The following LMX1A variants were observed in gnomAD, a reference collection of about 807,000 sequenced individuals.
LMX1A encodes LIM homeobox transcription factor 1 alpha, also known as LIM homeobox transcription factor 1-alpha.
LMX1A carries 15 observed loss-of-function variants against 49.1 expected under a neutral mutation model. The observed-to-expected ratio is 0.31, with a 90% CI of 0.20 to 0.47. LMX1A has a LOEUF of 0.47. Ranked by LOEUF, LMX1A falls within the 20% of genes least tolerant of loss-of-function variation. The probability of loss-of-function intolerance (pLI) is 1.00; values close to 1 mark genes in which losing one functional copy is unlikely to be tolerated. For synonymous variants in LMX1A, 167 were observed against 185.7 expected, an observed-to-expected ratio of 0.90 and a Z score of 0.82; for missense variants, 372 against 475.8, an observed-to-expected ratio of 0.78 and a Z score of 2.03.
intron 3 of LMX1A, among the ~76,000 whole-genome samples, chr1:165,287,432 A>T (rs919477473): frequency 5.9e-5 from 9 of 152,228 alleles, no homozygotes; most frequent in African/African-American, 2.2e-4. Flanking sequence ...TAATTTGCCA[A>T]AAGGGAGGCG....
At chr1:165,278,308 T>TA (rs1654031146) in intron 3 of LMX1A, among the ~76,000 whole-genome samples, 2 of 152,254 alleles carry the variant, frequency 1.3e-5, no homozygotes, top group South Asian at 4.1e-4. Flanking sequence ...GGCTATGACT[T>TA]ACTCATCTTT....
At chr1:165,326,174 T>C (rs562075801) in intron 3 of LMX1A, among the ~76,000 whole-genome samples, 47 of 152,028 alleles carry the variant, frequency 3.1e-4, no homozygotes, top group South Asian at 6.2e-4. Flanking sequence ...AAATGATGAT[T>C]AAAGGAGCTA....
chr1:165,265,215 A>G (rs1223563429), intron 3 of LMX1A, among the ~76,000 whole-genome samples: 2 of 151,778 alleles, frequency 1.3e-5, no homozygotes, highest in African/African-American at 2.4e-5. Context: ...AAAAAAAAAA[A>G]AAAGAAAAAA....
intron 3 of LMX1A, among the ~76,000 whole-genome samples, chr1:165,291,415 A>G (rs547687663): frequency 6.6e-6 from 1 of 152,218 alleles, no homozygotes; most frequent in East Asian, 1.9e-4. Context: ...TCCATCTGTT[A>G]TGTTCCAGCT....
chr1:165,312,148 T>C (rs528383041), intron 3 of LMX1A, among the ~76,000 whole-genome samples: 1 of 152,342 alleles, frequency 6.6e-6, no homozygotes, highest in South Asian at 2.1e-4. Context: ...AGTACTGGAA[T>C]TTCTCCCTTA....
At chr1:165,229,833 T>C (rs1179983342) in intron 4 of LMX1A, among the ~76,000 whole-genome samples, 2 of 152,202 alleles carry the variant, frequency 1.3e-5, no homozygotes, top group Admixed American at 6.5e-5. Flanking sequence ...AGATGCAATA[T>C]AGCAACTTGC....
Position 165,353,037 on chromosome 1 carries a change from C to T in LMX1A, c.263+39G>A, listed in dbSNP as rs766032038. 17 of 1,593,328 alleles carry T rather than the reference C, an allele frequency of 1.1e-5. No individual in the cohort carries two copies. The Admixed American group carries it at 2.7e-4, about 25-fold the overall frequency. On this transcript the variant is annotated intron_variant, in intron 3 of 8. Coordinates refer to ENST00000342310, the MANE Select transcript of LMX1A (RefSeq NM_177398.4). ...ACAAAGTCCTCGACGCACACTGATGCCAGTGCGCGGGGAGCGCTGCGGGGG... is the reference window on the plus strand; with the variant it reads ...ACAAAGTCCTCGACGCACACTGATGTCAGTGCGCGGGGAGCGCTGCGGGGG...
intron 4 of LMX1A, among the ~76,000 whole-genome samples, chr1:165,238,927 C>G (rs1453241205): frequency 6.6e-6 from 1 of 152,146 alleles, no homozygotes; most frequent in Non-Finnish European, 1.5e-5. Context: ...CATCTTCTTC[C>G]TCTGTAGAAC....
chr1:165,314,228 C>T (rs1443100327), intron 3 of LMX1A, among the ~76,000 whole-genome samples: 3 of 152,180 alleles, frequency 2.0e-5, no homozygotes, highest in Non-Finnish European at 4.4e-5. Flanking sequence ...GCCACATGTG[C>T]AATAGCTGAG....
chr1:165,356,534 C>T lies in LMX1A; in HGVS notation c.-202G>A, dbSNP rs567641448. 6.6e-6 allele frequency: 1 copy of T among 152,292 alleles called. No homozygotes were observed. The highest frequency in any genetic ancestry group is 1.5e-5 in the Non-Finnish European group (1 of 68,010). The allele number at this position is 152,292 out of a possible 1,614,324, so 9.4% of individuals were successfully genotyped here. On this transcript the variant is annotated 5_prime_UTR_variant, in exon 1 of 9. Transcript: ENST00000342310. ...GCCGCTGGCTCTGCTCCTCGGCGCGCCCAGGCTGGGCCGGGACGTGGTCGC... is the reference window on the plus strand; with the variant it reads ...GCCGCTGGCTCTGCTCCTCGGCGCGTCCAGGCTGGGCCGGGACGTGGTCGC...
intron 3 of LMX1A, among the ~76,000 whole-genome samples, chr1:165,287,785 A>T (rs1276046704): frequency 3.3e-5 from 5 of 152,232 alleles, no homozygotes; most frequent in Non-Finnish European, 5.9e-5. Context: ...AAATTAAATT[A>T]AAAAAATTAA....
At chr1:165,323,848 CA>C (rs5778440) in intron 3 of LMX1A, among the ~76,000 whole-genome samples, 61,977 of 151,986 alleles carry the variant, frequency 0.41, 13,538 homozygotes, top group Non-Finnish European at 0.49. Context: ...TGTAAAATAC[CA>C]AAGGCAAAGA....
intron 3 of LMX1A, among the ~76,000 whole-genome samples, chr1:165,334,237 TC>T (rs1655835779): frequency 6.6e-6 from 1 of 152,070 alleles, no homozygotes; most frequent in South Asian, 2.1e-4. Flanking sequence ...GCGGGATAGA[TC>T]AACTAACCAG....
Position 165,355,575 on chromosome 1 carries a change from G to C in LMX1A, c.-16C>G, listed in dbSNP as rs368923297. ...CGTCCAGCATGTTCGGGCCGGGCCG[G>C]GAGGACCTGTAGAGGAGAAGAAACG... On this transcript the variant is annotated 5_prime_UTR_variant, in exon 2 of 9. Transcript: ENST00000342310. The surrounding 1 kb of genome is among the most constrained non-coding windows in gnomAD (Gnocchi z 4.7). The C allele has an allele frequency of 3.5e-4, 565 of 1,612,738 alleles. 5 individuals are homozygous for C. In the African/African-American group the frequency reaches 6.4e-3, roughly 18 times the overall value.
intron 4 of LMX1A, among the ~76,000 whole-genome samples, chr1:165,228,212 C>T (rs558686676): frequency 2.3e-4 from 28 of 121,172 alleles, no homozygotes; most frequent in East Asian, 2.5e-4. Flanking sequence ...TTGGAGAGAA[C>T]GGTGCTATAG....
At chr1:165,262,509 T>C (rs1343981554) in intron 3 of LMX1A, among the ~76,000 whole-genome samples, 1 of 152,188 alleles carries the variant, frequency 6.6e-6, no homozygotes, top group Non-Finnish European at 1.5e-5. Context: ...CTATTAAAAT[T>C]AGTCAAGACA....
chr1:165,249,900 A>G (rs1209791469), intron 3 of LMX1A, among the ~76,000 whole-genome samples: 7 of 152,230 alleles, frequency 4.6e-5, no homozygotes, highest in Non-Finnish European at 1.5e-5. Context: ...CTATGCAGCC[A>G]TAAAAAGGAA....
Position 165,355,386 on chromosome 1 carries a change from G to A in LMX1A, c.76+98C>T. The A allele has an allele frequency of 8.7e-7, 1 of 1,155,874 alleles. No homozygotes were observed. The highest frequency in any genetic ancestry group is 1.9e-5 in the Admixed American group (1 of 51,904). 71.6% of individuals were successfully genotyped at this position (1,155,874 alleles called of 1,614,324 possible). On this transcript the variant is annotated intron_variant, in intron 2 of 8. Coordinates refer to ENST00000342310, the MANE Select transcript of LMX1A (RefSeq NM_177398.4). This position sits in a 1 kb window ranked among gnomAD's most constrained non-coding sequence, Gnocchi z 4.7. Reference sequence around the variant, plus strand: ...ATTTAGTGTATGAAGAGGGGCGCTAGCTTCCCTATCGCGGACCAGGTCCCA... The same window carrying A: ...ATTTAGTGTATGAAGAGGGGCGCTAACTTCCCTATCGCGGACCAGGTCCCA...
At chr1:165,265,832 C>T (rs565858310) in intron 3 of LMX1A, among the ~76,000 whole-genome samples, 17 of 152,208 alleles carry the variant, frequency 1.1e-4, no homozygotes, top group African/African-American at 2.4e-4. Flanking sequence ...GCTTCACCAA[C>T]GAGAAAACAA....
Sources: allele counts gnomAD v4.1 joint callset (sites outside exome capture counted in the v4.1 genomes callset), GRCh38; gene constraint gnomAD v4.1.1; non-coding constraint Gnocchi (gnomAD v3.1); transcripts MANE v1.5; gene names NCBI Gene and HGNC (gene_info 2026-07-23, HGNC 2026-07-21).